The following TRIO variants were observed in gnomAD, a reference collection of about 807,000 sequenced individuals.
The protein encoded by TRIO is triple functional domain protein.
In TRIO, 58 loss-of-function variants were observed where a neutral mutation model predicts 351.9. The ratio of observed to expected loss-of-function variants is 0.16; its 90% CI spans 0.13 to 0.21. TRIO has a LOEUF of 0.21. TRIO is among the 10% of genes least tolerant of loss of function. The pLI is 1.00. For missense variants in TRIO, 3,201 were observed against 4,027.8 expected, an observed-to-expected ratio of 0.79 and a Z score of 5.56; for synonymous variants, 1,758 against 1,595.7, an observed-to-expected ratio of 1.10 and a Z score of -2.42.
intron 11 of TRIO, among the ~76,000 whole-genome samples, chr5:14,352,146 C>T (rs1307312638): frequency 6.6e-6 from 1 of 151,632 alleles, no homozygotes; most frequent in Non-Finnish European, 1.5e-5. Context: ...ATGAGCCGGG[C>T]CCTGTACACA....
rs1399297858 is a variant in TRIO at position 14,475,497 on chromosome 5, GTTGTTATTTCTGTGCTTC to G, written c.6084-1395_6084-1378del. Among the ~76,000 whole-genome samples, 8 of 152,336 alleles carry G rather than the reference GTTGTTATTTCTGTGCTTC, an allele frequency of 5.3e-5. No homozygotes were observed. The South Asian group carries it at 1.2e-3, about 24-fold the overall frequency. ...ACTACCGTGTCACGTATCAAGTAGTGTTGTTATTTCTGTGCTTCTCCCTCCTAACAGAATGTAAAACCT... is the reference window on the plus strand; with the variant it reads ...ACTACCGTGTCACGTATCAAGTAGTGTCCCTCCTAACAGAATGTAAAACCT... On this transcript the variant is annotated intron_variant, in intron 40 of 56. Coordinates refer to ENST00000344204, the MANE Select transcript of TRIO (RefSeq NM_007118.4).
At chr5:14,450,025 G>A (rs1752733883) in intron 34 of TRIO, among the ~76,000 whole-genome samples, 1 of 152,204 alleles carries the variant, frequency 6.6e-6, no homozygotes, top group Admixed American at 6.5e-5. Flanking sequence ...TCAAAGTCTT[G>A]CATTTGTCTA....
chr5:14,378,178 C>A, intron 20 of TRIO, 51 bp downstream of exon 20: 1 of 1,375,066 alleles, frequency 7.3e-7, no homozygotes, highest in Non-Finnish European at 1.0e-6. Flanking sequence ...GTGCTCACAC[C>A]TGTCTCCACA....
intron 2 of TRIO, among the ~76,000 whole-genome samples, chr5:14,272,910 A>G (rs1796059153): frequency 6.6e-6 from 1 of 152,250 alleles, no homozygotes; most frequent in Admixed American, 6.5e-5. Flanking sequence ...ACTTTACAAA[A>G]TAAAATTTAT....
intron 8 of TRIO, among the ~76,000 whole-genome samples, chr5:14,312,835 A>G (rs1320359612): frequency 6.6e-6 from 1 of 152,174 alleles, no homozygotes; most frequent in Non-Finnish European, 1.5e-5. Flanking sequence ...TCTCCTGGTT[A>G]TTCTGTACCA....
chr5:14,428,490 G>A (rs999278748), intron 34 of TRIO, among the ~76,000 whole-genome samples: 1 of 152,102 alleles, frequency 6.6e-6, no homozygotes, highest in African/African-American at 2.4e-5. Context: ...GTTACACCAA[G>A]AATTTTAAAA....
chr5:14,280,168 A>G (rs1243645324), intron 2 of TRIO, among the ~76,000 whole-genome samples, 154 bp from the exon 3 acceptor site: 1 of 152,246 alleles, frequency 6.6e-6, no homozygotes, highest in African/African-American at 2.4e-5. Context: ...AAGGGATGAC[A>G]TGTCCTCACT....
chr5:14,174,542 C>T (rs1368422030), intron 1 of TRIO, among the ~76,000 whole-genome samples: 2 of 152,154 alleles, frequency 1.3e-5, no homozygotes, highest in African/African-American at 2.4e-5. Flanking sequence ...CTGATGGTCA[C>T]GTGATGGGTC....
At chr5:14,384,472 T>C (rs1343159648) in intron 21 of TRIO, among the ~76,000 whole-genome samples, 2 of 152,206 alleles carry the variant, frequency 1.3e-5, no homozygotes, top group Non-Finnish European at 2.9e-5. Context: ...TTTTAAGCAC[T>C]GTAACGATCT....
At chr5:14,377,252 TG>T (rs368402922) in intron 19 of TRIO, among the ~76,000 whole-genome samples, 1 of 151,718 alleles carries the variant, frequency 6.6e-6, no homozygotes. Flanking sequence ...TATTTTTTTT[TG>T]TTTTTTTTTT....
In TRIO at chr5:14,316,714, C is replaced by T. The variant is rs199637980; in HGVS notation, c.1702C>T (p.Leu568=). The T allele has an allele frequency of 6.2e-7, 1 of 1,614,056 alleles. No homozygotes were observed. The highest frequency in any genetic ancestry group is 1.3e-5 in the African/African-American group (1 of 75,070). ...RKVRLHQRLQ[L]CVFQQDVQQV... ...GGTCCGGCTGCATCAGAGGCTGCAGCTGTGTGTTTTCCAGCAGGACGTTCA... is the reference window on the plus strand; with the variant it reads ...GGTCCGGCTGCATCAGAGGCTGCAGTTGTGTGTTTTCCAGCAGGACGTTCA... The change falls in exon 9 of 57, where the codon CTG becomes TTG. Residue 568 remains leucine (L), a synonymous_variant. Coordinates refer to ENST00000344204, the MANE Select transcript of TRIO (RefSeq NM_007118.4).
chr5:14,175,334 G>A (rs975788921), intron 1 of TRIO, among the ~76,000 whole-genome samples: 3 of 152,100 alleles, frequency 2.0e-5, no homozygotes, highest in East Asian at 1.9e-4. Flanking sequence ...TCTAAAAGGC[G>A]TTTTCTAATT....
intron 11 of TRIO, 134 bp from the exon 12 acceptor site, chr5:14,358,044 C>T (rs983213022): frequency 6.2e-5 from 67 of 1,081,926 alleles, no homozygotes; most frequent in Middle Eastern, 3.1e-4. Flanking sequence ...TCCTTCCCTC[C>T]GGGAGTGGTC....
intron 2 of TRIO, among the ~76,000 whole-genome samples, chr5:14,275,886 TTA>T (rs1311726234): frequency 3.7e-5 from 5 of 135,360 alleles, no homozygotes; most frequent in Non-Finnish European, 3.2e-5. Flanking sequence ...ATATATATGT[TTA>T]TATATATGTG....
chr5:14,488,582 A>T, intron 48 of TRIO: 1 of 496,920 alleles, frequency 2.0e-6, no homozygotes, highest in Admixed American at 3.6e-5. Flanking sequence ...TCACGCACCT[A>T]TTTTTTGGAG....
intron 27 of TRIO, 143 bp downstream of exon 27, chr5:14,391,133 C>A (rs960330150): frequency 1.6e-6 from 1 of 616,790 alleles, no homozygotes; most frequent in Non-Finnish European, 2.7e-6. Context: ...TCTATCATGT[C>A]TATTGGGCTA....
intron 2 of TRIO, among the ~76,000 whole-genome samples, chr5:14,274,435 A>C (rs1205590611): frequency 6.6e-6 from 1 of 152,112 alleles, no homozygotes; most frequent in Non-Finnish European, 1.5e-5. Flanking sequence ...GTGATTGTTT[A>C]GTTTCATAGG....
At chr5:14,488,786 G>A (rs1756245122) in intron 48 of TRIO, 1 of 592,954 alleles carries the variant, frequency 1.7e-6, no homozygotes, top group South Asian at 2.0e-5. Context: ...TGAAAAAATG[G>A]GGGGAAAGAA....
intron 11 of TRIO, among the ~76,000 whole-genome samples, chr5:14,357,875 G>A (rs985429818): frequency 5.9e-5 from 9 of 152,174 alleles, no homozygotes; most frequent in African/African-American, 1.9e-4. Flanking sequence ...GGGAGAATGG[G>A]AAAGAGCAGC....
Sources: allele counts gnomAD v4.1 joint callset (sites outside exome capture counted in the v4.1 genomes callset), GRCh38; gene constraint gnomAD v4.1.1; transcripts MANE v1.5; gene names NCBI Gene and HGNC (gene_info 2026-07-23, HGNC 2026-07-21).